Variants in PTGR1 observed in about 807,000 individuals in gnomAD.
The protein encoded by PTGR1 is prostaglandin reductase 1.
PTGR1 carries 23 observed loss-of-function variants against 37.7 expected under a neutral mutation model. That is an observed-to-expected ratio of 0.61 (90% CI 0.44 to 0.86). The LOEUF (loss-of-function observed/expected upper bound fraction) is 0.86, where lower values mean the gene tolerates loss of function less well. Among genes scored for constraint, PTGR1 ranks in the 40% least tolerant of loss-of-function variants. The probability of loss-of-function intolerance (pLI) is 0.00; values close to 1 mark genes in which losing one functional copy is unlikely to be tolerated. For synonymous variants in PTGR1, 134 were observed against 140.0 expected, an observed-to-expected ratio of 0.96 and a Z score of 0.30; for missense variants, 351 against 394.3, an observed-to-expected ratio of 0.89 and a Z score of 0.93.
intron 1 of PTGR1, 82 bp from the exon 2 acceptor site, chr9:111,597,514 C>G (rs1290138750): frequency 2.6e-6 from 2 of 779,548 alleles, no homozygotes; most frequent in East Asian, 5.2e-5. Context: ...TGAGACCAGA[C>G]AGCACAATTA....
chr9:111,579,845 A>C (rs1197298740), intron 6 of PTGR1, among the ~76,000 whole-genome samples: 4 of 152,250 alleles, frequency 2.6e-5, no homozygotes, highest in African/African-American at 9.6e-5. Context: ...AAGCACTTTC[A>C]GGATGACACT....
At chr9:111,576,511 G>C in intron 7 of PTGR1, 1 of 1,530,020 alleles carries the variant, frequency 6.5e-7, no homozygotes. Flanking sequence ...TCGGGGAAGA[G>C]CTGGATGGAG....
intron 4 of PTGR1, 196 bp downstream of exon 4, chr9:111,592,730 A>G (rs998854202): frequency 3.0e-6 from 2 of 657,172 alleles, no homozygotes; most frequent in African/African-American, 3.8e-5. Context: ...AGCTGAAAAA[A>G]TGACAATTTC....
At chr9:111,589,972 C>T (rs1829559745) in intron 4 of PTGR1, among the ~76,000 whole-genome samples, 1 of 152,112 alleles carries the variant, frequency 6.6e-6, no homozygotes, top group Non-Finnish European at 1.5e-5. Context: ...TGGGGAACCC[C>T]TTTCTAAGCA....
In PTGR1 at chr9:111,552,942, A is replaced by C. The variant is rs553336194; in HGVS notation, c.880-3143T>G. Among the ~76,000 whole-genome samples, 6 of 152,262 alleles carry C rather than the reference A, an allele frequency of 3.9e-5. No individual in the cohort carries two copies. The South Asian group carries it at 1.2e-3, about 32-fold the overall frequency. ...AATTTTCTAAATACGATAAAGTGAT[A>C]ATTTCTTCATCTCTCCATCTAAGGT... On this transcript the variant is annotated intron_variant, in intron 9 of 9. Transcript: ENST00000538962.
chr9:111,586,232 T>A, intron 4 of PTGR1, 67 bp from the exon 5 acceptor site: 2 of 1,521,076 alleles, frequency 1.3e-6, no homozygotes, highest in Non-Finnish European at 1.8e-6. Flanking sequence ...GGAGTCAGGA[T>A]GCTGTGTGGT....
chr9:111,569,812 C>G, intron 9 of PTGR1: 1 of 411,624 alleles, frequency 2.4e-6, no homozygotes, highest in South Asian at 2.4e-5. Context: ...GAATGGCAGA[C>G]AGTGAGTGTA....
intron 9 of PTGR1, 34 bp downstream of exon 9, chr9:111,570,057 T>C: frequency 6.2e-7 from 1 of 1,613,030 alleles, no homozygotes; most frequent in Non-Finnish European, 8.5e-7. Context: ...TGACCTAGTG[T>C]ACAATTGGAA....
At chr9:111,578,996 A>G in intron 6 of PTGR1, 45 bp from the exon 7 acceptor site, 1 of 1,543,504 alleles carries the variant, frequency 6.5e-7, no homozygotes, top group Non-Finnish European at 8.7e-7. Flanking sequence ...ATAAGTCACA[A>G]GCATGGACCA....
At chr9:111,559,530 CTCA>C (rs943620696), downstream of PTGR1, among the ~76,000 whole-genome samples, 57 of 152,186 alleles carry the variant, frequency 3.7e-4, no homozygotes, top group African/African-American at 1.3e-3. Context: ...TCCAACTCCC[CTCA>C]TCAGGCCACA....
intron 9 of PTGR1, among the ~76,000 whole-genome samples, chr9:111,552,232 T>C (rs946709330): frequency 1.3e-5 from 2 of 152,250 alleles, no homozygotes; most frequent in Non-Finnish European, 2.9e-5. Flanking sequence ...TAAAATTCTT[T>C]TGTAAGTCAT....
chr9:111,568,958 T>C (rs1828693148), intron 9 of PTGR1, among the ~76,000 whole-genome samples: 1 of 152,132 alleles, frequency 6.6e-6, no homozygotes, highest in African/African-American at 2.4e-5. Context: ...AGATTAGACA[T>C]GGGTACGACA....
At chr9:111,552,244 C>T (rs1022389763) in intron 9 of PTGR1, among the ~76,000 whole-genome samples, 1 of 152,022 alleles carries the variant, frequency 6.6e-6, no homozygotes, top group African/African-American at 2.4e-5. Flanking sequence ...GTAAGTCATC[C>T]AGGTAACATT....
rs887843420 is a variant in PTGR1, at chr9:111,584,258, A to T, written c.378-669T>A. On this transcript the variant is annotated intron_variant, in intron 5 of 9. Coordinates refer to ENST00000407693, the MANE Select transcript of PTGR1 (RefSeq NM_001146108.2). Reference sequence around the variant, plus strand: ...GATATGATTGAAGACTTTCTTCACAACCAAAGTTTCCTCGTGTCTCCCTTC... The same window carrying T: ...GATATGATTGAAGACTTTCTTCACATCCAAAGTTTCCTCGTGTCTCCCTTC... Among the ~76,000 whole-genome samples the T allele has an allele frequency of 3.0e-4, 46 of 152,310 alleles. 1 individual carries two copies. The highest frequency in any genetic ancestry group is 1.0e-3 in the African/African-American group (42 of 41,560).
In PTGR1 at chr9:111,556,832, GC is replaced by G. The variant is rs112010927; in HGVS notation, c.880-7034del. On this transcript the variant is annotated intron_variant, in intron 9 of 9. Coordinates refer to the PTGR1 transcript ENST00000538962. ...CTGCCATGATTGTAAGTTTCCTGAG[GC>G]CCCCCAGCCATGCTTCCTGTATAGC... 3.9e-5 allele frequency among the ~76,000 whole-genome samples: 6 copies of G among 152,240 alleles called. 1 individual carries two copies. The highest frequency in any genetic ancestry group is 1.4e-4 in the African/African-American group (6 of 41,526).
chr9:111,551,876 A>T (rs1279355762), intron 9 of PTGR1, among the ~76,000 whole-genome samples: 1 of 152,216 alleles, frequency 6.6e-6, no homozygotes, highest in Non-Finnish European at 1.5e-5. Context: ...GAAACAAAAC[A>T]GTTTATCAAT....
Position 111,576,599 on chromosome 9 carries a change from G to C in PTGR1, c.652-1757C>G, listed in dbSNP as rs1031393468. 2.8e-5 allele frequency: 17 copies of C among 605,632 alleles called. No homozygotes were observed. The African/African-American group carries it at 3.2e-4, about 11-fold the overall frequency. 37.5% of individuals were successfully genotyped at this position (605,632 alleles called of 1,614,324 possible). On this transcript the variant is annotated intron_variant, in intron 7 of 9. Coordinates refer to ENST00000407693, the MANE Select transcript of PTGR1 (RefSeq NM_001146108.2). Reference sequence around the variant, plus strand: ...ACTTAACACTTCTGAACCTCCTTTTGTCTTTCATAAAATAAAAGCTACTAG... The same window carrying C: ...ACTTAACACTTCTGAACCTCCTTTTCTCTTTCATAAAATAAAAGCTACTAG...
Position 111,562,784 on chromosome 9 carries a change from T to C in PTGR1, c.*337A>G, listed in dbSNP as rs1828370409. On this transcript the variant is annotated 3_prime_UTR_variant, in exon 10 of 10. Coordinates refer to ENST00000407693, the MANE Select transcript of PTGR1 (RefSeq NM_001146108.2). ...CTTCCACAGGCCCCAGCGTGTGTTG[T>C]TCCCCTCCCTATGTCCATGTGTTCT... 1.4e-5 allele frequency: 4 copies of C among 280,006 alleles called. No individual in the cohort carries two copies. The highest frequency in any genetic ancestry group is 1.1e-4 in the East Asian group (1 of 9,448). The allele number at this position is 280,006 out of a possible 1,614,324, so 17.3% of individuals were successfully genotyped here.
At chr9:111,567,713 T>C (rs1471240992) in intron 9 of PTGR1, among the ~76,000 whole-genome samples, 1 of 152,174 alleles carries the variant, frequency 6.6e-6, no homozygotes, top group Non-Finnish European at 1.5e-5. Flanking sequence ...ACGGCAGGAT[T>C]TGATTTGTGC....
Sources: gnomAD v4.1 joint callset for allele counts (sites outside exome capture counted in the v4.1 genomes callset) on GRCh38, gnomAD v4.1.1 for gene constraint, MANE v1.5 for transcripts, NCBI Gene and HGNC (gene_info 2026-07-23, HGNC 2026-07-21) for gene names.